Variants in RALGPS1 observed in about 807,000 individuals in gnomAD.
RALGPS1 encodes the protein ras-specific guanine nucleotide-releasing factor RalGPS1.
RALGPS1 carries 19 observed loss-of-function variants against 78.8 expected under a neutral mutation model. The ratio of observed to expected loss-of-function variants is 0.24; its 90% CI spans 0.17 to 0.35. The LOEUF (loss-of-function observed/expected upper bound fraction) is 0.35, where lower values mean the gene tolerates loss of function less well. RALGPS1 is among the 10% of genes least tolerant of loss of function. The pLI is 1.00. For synonymous variants in RALGPS1, 228 were observed against 256.3 expected, an observed-to-expected ratio of 0.89 and a Z score of 1.06; for missense variants, 454 against 688.3, an observed-to-expected ratio of 0.66 and a Z score of 3.81.
intron 8 of RALGPS1, among the ~76,000 whole-genome samples, chr9:127,154,242 G>A (rs2058590245): frequency 8.8e-6 from 1 of 113,812 alleles, no homozygotes; most frequent in Admixed American, 1.1e-4. Context: ...AAGAGGCAGG[G>A]CTGCTGCTGG....
chr9:126,918,316 T>C (rs1418076803), intron 1 of RALGPS1, among the ~76,000 whole-genome samples: 1 of 152,222 alleles, frequency 6.6e-6, no homozygotes, highest in Non-Finnish European at 1.5e-5. Context: ...GGCCCAGTAA[T>C]AAATGGTTTC....
chr9:127,037,803 G>A (rs564986402), intron 5 of RALGPS1, among the ~76,000 whole-genome samples: 1 of 152,360 alleles, frequency 6.6e-6, no homozygotes, highest in South Asian at 2.1e-4. Flanking sequence ...AGATTGCCCT[G>A]GCTTGTGGCC....
chr9:127,145,640 C>T (rs2058053123), intron 8 of RALGPS1, among the ~76,000 whole-genome samples: 1 of 152,182 alleles, frequency 6.6e-6, no homozygotes, highest in Admixed American at 6.5e-5. Context: ...GCCTTTTGCT[C>T]CGACTCTGCC....
chr9:126,995,685 T>G (rs1393350948), intron 4 of RALGPS1, among the ~76,000 whole-genome samples: 1 of 152,076 alleles, frequency 6.6e-6, no homozygotes, highest in Non-Finnish European at 1.5e-5. Context: ...GCAGACCTAA[T>G]AGACATCTAC....
At chr9:126,948,092 C>T (rs1231344345) in intron 1 of RALGPS1, among the ~76,000 whole-genome samples, 1 of 152,180 alleles carries the variant, frequency 6.6e-6, no homozygotes, top group Non-Finnish European at 1.5e-5. Context: ...TGCTACCCAA[C>T]ACTGTGAACT....
intron 4 of RALGPS1, among the ~76,000 whole-genome samples, chr9:126,982,714 C>G (rs983930375): frequency 2.6e-5 from 4 of 151,504 alleles, no homozygotes; most frequent in African/African-American, 9.7e-5. Context: ...CTGCTGTTCT[C>G]CTGTCTTCTT....
intron 4 of RALGPS1, chr9:126,989,967 G>C: frequency 1.3e-6 from 2 of 1,550,560 alleles, no homozygotes; most frequent in South Asian, 2.4e-5. Context: ...ACACGTTGCA[G>C]TTCAGGAAAA....
chr9:127,190,076 TTAA>T lies in RALGPS1; in HGVS notation c.911-5012_911-5010del, dbSNP rs143321540. Among the ~76,000 whole-genome samples the T allele has an allele frequency of 5.5e-3, 834 of 152,354 alleles. 6 individuals carry two copies. Among genetic ancestry groups the T allele is most frequent in the Non-Finnish European group, 8.0e-3 (541 of 68,032 alleles). ...GGTTCACCACATATTTCTTTAAGTA[TTAA>T]TACTACACACAGAGGGAAGGCCTCT... On this transcript the variant is annotated intron_variant, in intron 11 of 18. Transcript: ENST00000259351.
chr9:127,138,341 G>T lies in RALGPS1; in HGVS notation c.611-27728G>T, dbSNP rs546028225. On this transcript the variant is annotated intron_variant, in intron 8 of 18. Coordinates refer to ENST00000259351, the MANE Select transcript of RALGPS1 (RefSeq NM_014636.3). ...CAGTAAGGAAGAGCTGGGAAGAGAGGCCAGAATGCCAGGTCCTGCTCAGCC... is the reference window on the plus strand; with the variant it reads ...CAGTAAGGAAGAGCTGGGAAGAGAGTCCAGAATGCCAGGTCCTGCTCAGCC... Among the ~76,000 whole-genome samples, 156 of 152,266 alleles carry T rather than the reference G, an allele frequency of 1.0e-3. 2 individuals are homozygous for T. The highest frequency in any genetic ancestry group is 3.7e-3 in the African/African-American group (154 of 41,560).
chr9:127,087,333 G>GC (rs879791103), intron 8 of RALGPS1: 3 of 152,614 alleles, frequency 2.0e-5, no homozygotes, highest in Admixed American at 1.3e-4. Flanking sequence ...AACACAGAGT[G>GC]TAGATACATC....
intron 14 of RALGPS1, chr9:127,210,551 G>T (rs1564801832): frequency 1.6e-6 from 1 of 637,252 alleles, no homozygotes; most frequent in Non-Finnish European, 2.8e-6. Flanking sequence ...GGCCGAGGAG[G>T]CTGGGGAGGA....
chr9:127,165,980 A>G (rs529277358), intron 8 of RALGPS1, 89 bp from the exon 9 acceptor site: 22 of 1,452,196 alleles, frequency 1.5e-5, no homozygotes, highest in Middle Eastern at 2.6e-4. Flanking sequence ...CACCCTTTAT[A>G]TTTTTTAGCA....
intron 4 of RALGPS1, among the ~76,000 whole-genome samples, chr9:126,993,313 T>C (rs2042435952): frequency 6.6e-6 from 1 of 152,220 alleles, no homozygotes; most frequent in African/African-American, 2.4e-5. Flanking sequence ...CATCTGTGTT[T>C]GTAATGGGGA....
chr9:127,177,343 C>T (rs959015992), intron 11 of RALGPS1, among the ~76,000 whole-genome samples: 13 of 152,206 alleles, frequency 8.5e-5, no homozygotes, highest in Admixed American at 3.3e-4. Flanking sequence ...TGCCTCCACC[C>T]TTCACCTCCA....
At chr9:127,201,643 C>T (rs1404042770) in intron 14 of RALGPS1, among the ~76,000 whole-genome samples, 2 of 152,204 alleles carry the variant, frequency 1.3e-5, no homozygotes, top group Non-Finnish European at 2.9e-5. Flanking sequence ...TACTCACCTT[C>T]ATGCTCTTTC....
intron 1 of RALGPS1, among the ~76,000 whole-genome samples, chr9:126,922,292 G>A (rs1327460737): frequency 5.3e-5 from 8 of 152,132 alleles, no homozygotes; most frequent in South Asian, 4.1e-4. Flanking sequence ...TTTTGAGTAA[G>A]CAGAAGAAAA....
intron 7 of RALGPS1, among the ~76,000 whole-genome samples, chr9:127,061,791 A>T (rs1245512908): frequency 6.6e-6 from 1 of 152,040 alleles, no homozygotes; most frequent in Non-Finnish European, 1.5e-5. Context: ...TCCTTGCTAA[A>T]CCAGGTTGAA....
rs887573372 is a variant in RALGPS1, at chr9:127,211,449, T to G, written c.1248-682T>G. Among the ~76,000 whole-genome samples, 1 of 152,092 alleles carries G rather than the reference T, an allele frequency of 6.6e-6. No homozygotes were observed. Among genetic ancestry groups the G allele is most frequent in the Non-Finnish European group, 1.5e-5 (1 of 67,994 alleles). ...TCCCCAGTGCATCCTTGGGATTGAT[T>G]AGGTTGCAGGGGCATCCGAGAGGAA... is the stretch of plus-strand genomic sequence containing the variant. On this transcript the variant is annotated intron_variant, in intron 14 of 18. Coordinates refer to ENST00000259351, the MANE Select transcript of RALGPS1 (RefSeq NM_014636.3). The surrounding 1 kb of genome is among the most constrained non-coding windows in gnomAD (Gnocchi z 5.0).
At chr9:127,005,598 A>G (rs2043760794) in intron 4 of RALGPS1, among the ~76,000 whole-genome samples, 3 of 152,156 alleles carry the variant, frequency 2.0e-5, no homozygotes, top group Non-Finnish European at 2.9e-5. Context: ...GGAGCAGAAC[A>G]GAAAGCTGCT....
Sources: allele counts gnomAD v4.1 joint callset (sites outside exome capture counted in the v4.1 genomes callset), GRCh38; gene constraint gnomAD v4.1.1; non-coding constraint Gnocchi (gnomAD v3.1); transcripts MANE v1.5; gene names NCBI Gene and HGNC (gene_info 2026-07-23, HGNC 2026-07-21).